The following RNF14 variants were observed in gnomAD, a reference collection of about 807,000 sequenced individuals.
RNF14 encodes E3 ubiquitin-protein ligase RNF14.
In RNF14, 26 loss-of-function variants were observed where a neutral mutation model predicts 52.6. The observed-to-expected ratio is 0.49, with a 90% CI of 0.36 to 0.69. RNF14 has a LOEUF of 0.69. Ranked by LOEUF, RNF14 falls within the 30% of genes least tolerant of loss-of-function variation. The pLI is 0.00. For synonymous variants in RNF14, 194 were observed against 202.0 expected, an observed-to-expected ratio of 0.96 and a Z score of 0.34; for missense variants, 404 against 560.4, an observed-to-expected ratio of 0.72 and a Z score of 2.82.
chr5:141,966,421 T>C (rs1753350759), upstream of RNF14, among the ~76,000 whole-genome samples: 2 of 152,166 alleles, frequency 1.3e-5, no homozygotes, highest in African/African-American at 4.8e-5. Flanking sequence ...TAAAAGGCCT[T>C]ATTAAAAAAA....
intron 1 of RNF14, among the ~76,000 whole-genome samples, chr5:141,959,323 T>C (rs252109): frequency 0.88 from 134,236 of 152,176 alleles, 59,501 homozygotes; most frequent in East Asian, 0.99. Flanking sequence ...GGATACCCTA[T>C]CTTCCACTCA....
upstream of RNF14, chr5:141,956,289 C>T (rs375775264): frequency 3.2e-5 from 52 of 1,614,184 alleles, 2 homozygotes; most frequent in Admixed American, 2.2e-4. Context: ...AGTTCAGTGA[C>T]CTCTGAGCAG....
upstream of RNF14, among the ~76,000 whole-genome samples, chr5:141,962,354 C>T (rs1288208819): frequency 4.6e-5 from 7 of 152,326 alleles, no homozygotes; most frequent in East Asian, 5.8e-4. Context: ...GTCCAGATAT[C>T]GAAGTCACTT....
At chr5:141,971,939 T>G (rs1339976891) in intron 2 of RNF14, among the ~76,000 whole-genome samples, 1 of 152,174 alleles carries the variant, frequency 6.6e-6, no homozygotes, top group Non-Finnish European at 1.5e-5. Flanking sequence ...TGAGCCACTG[T>G]GCCTGGGCCT....
chr5:141,949,650 T>C, the RNF14 span: 2 of 1,550,398 alleles, frequency 1.3e-6, no homozygotes, highest in African/African-American at 1.4e-5. Flanking sequence ...TTCATGCCCA[T>C]TCATGTTTGC....
chr5:141,973,210 A>G (rs1038439473), intron 2 of RNF14, among the ~76,000 whole-genome samples: 7 of 151,462 alleles, frequency 4.6e-5, no homozygotes, highest in Admixed American at 3.3e-4. Flanking sequence ...TTGTGCCATT[A>G]AGCTTTTTCC....
In RNF14 at chr5:141,980,016, TTTAA is replaced by T. The variant is rs1754624968; in HGVS notation, c.835-104_835-101del. The T allele has an allele frequency of 6.0e-6, 5 of 839,386 alleles. No homozygotes were observed. The South Asian group carries it at 6.1e-5, about 10-fold the overall frequency. The allele number at this position is 839,386 out of a possible 1,614,324, so 52.0% of individuals were successfully genotyped here. A position where few individuals can be genotyped will look rare whatever the true frequency, so the allele number is the denominator to read the frequency against. ...TTTGATTTTGAAGTGAAAGAGAGGTTTTAATTTATGTGCCCATCTGGTTTACACT... is the reference window on the plus strand; with the variant it reads ...TTTGATTTTGAAGTGAAAGAGAGGTTTTTATGTGCCCATCTGGTTTACACT... On this transcript the variant is annotated intron_variant, in intron 5 of 8. Coordinates refer to ENST00000394520, the MANE Select transcript of RNF14 (RefSeq NM_004290.5).
the RNF14 span, chr5:141,952,557 T>C: frequency 1.3e-5 from 2 of 151,762 alleles, no homozygotes; most frequent in Non-Finnish European, 2.9e-5. Flanking sequence ...GAGAATGGAG[T>C]AGGGGATGGG....
chr5:141,961,495 G>A (rs1200269722), intron 1 of RNF14, among the ~76,000 whole-genome samples: 1 of 152,162 alleles, frequency 6.6e-6, no homozygotes, highest in Non-Finnish European at 1.5e-5. Flanking sequence ...ATGCCAAGGG[G>A]TGAATGGAGC....
intron 7 of RNF14, 107 bp downstream of exon 7, chr5:141,983,659 T>C: frequency 1.1e-6 from 1 of 921,654 alleles, no homozygotes; most frequent in Non-Finnish European, 1.6e-6. Flanking sequence ...CACATGCTGG[T>C]ATTATTACAC....
At chr5:141,971,563 T>TTTTCTTTC (rs746341507) in intron 2 of RNF14, among the ~76,000 whole-genome samples, 165 of 55,066 alleles carry the variant, frequency 3.0e-3, no homozygotes, top group East Asian at 0.019. Context: ...GCTAATTTCT[T>TTTTCTTTC]TTTCTTTCTT....
At chr5:141,957,458 G>A, upstream of RNF14, 2 of 1,612,592 alleles carry the variant, frequency 1.2e-6, no homozygotes, top group Non-Finnish European at 8.5e-7. This position sits in a 1 kb window ranked among gnomAD's most constrained non-coding sequence, Gnocchi z 4.3. Context: ...AACCGTGGCT[G>A]GTGGTCATTG....
upstream of RNF14, chr5:141,956,058 C>T (rs765880244): frequency 1.9e-6 from 3 of 1,612,936 alleles, no homozygotes; most frequent in African/African-American, 4.0e-5. Flanking sequence ...CCGCTGGGCC[C>T]AAGCCATTGG....
upstream of RNF14, among the ~76,000 whole-genome samples, chr5:141,967,577 C>T (rs370235570): frequency 1.0e-3 from 158 of 152,268 alleles, no homozygotes; most frequent in African/African-American, 3.8e-3. Flanking sequence ...TGTGACTGCA[C>T]GGGTTGCTGG....
At chr5:141,969,782 T>A (rs1453975334) in intron 1 of RNF14, 1 of 152,242 alleles carries the variant, frequency 6.6e-6, no homozygotes, top group African/African-American at 2.4e-5. Flanking sequence ...TTCTAGGGTG[T>A]GGCCTGGGTA....
At chr5:141,972,877 C>T (rs1426348928) in intron 2 of RNF14, among the ~76,000 whole-genome samples, 1 of 152,190 alleles carries the variant, frequency 6.6e-6, no homozygotes, top group Non-Finnish European at 1.5e-5. Context: ...AGGCACGAGC[C>T]ACCGCGCCTG....
In RNF14 at chr5:141,987,765, T is replaced by C; in HGVS notation, c.1400T>C (p.Ile467Thr). Residue 467 changes from isoleucine (I) to threonine (T), a missense_variant, in exon 9 of 9, where the codon ATT becomes ACT. Transcript: ENST00000394520. ...TATGCTGTGGATGTTGACGACGATA[T>C]TTGGGAAGATGAGGTAGAAGACTAG... ...LFYAVDVDDD[I>T]WEDEVED The C allele has an allele frequency of 3.7e-6, 6 of 1,613,868 alleles. No individual in the cohort carries two copies. Among genetic ancestry groups the C allele is most frequent in the Non-Finnish European group, 5.1e-6 (6 of 1,180,004 alleles).
intron 4 of RNF14, among the ~76,000 whole-genome samples, chr5:141,976,168 CA>C (rs1264830431): frequency 6.6e-6 from 1 of 152,190 alleles, no homozygotes; most frequent in Non-Finnish European, 1.5e-5. Context: ...GTGCCAGAGG[CA>C]ACAGATGCAA....
At chr5:141,980,611 G>C (rs1001320468) in intron 6 of RNF14, among the ~76,000 whole-genome samples, 1 of 152,194 alleles carries the variant, frequency 6.6e-6, no homozygotes, top group Non-Finnish European at 1.5e-5. Flanking sequence ...TGCTGAAGAG[G>C]CAGAAGAAAT....
Sources: allele counts gnomAD v4.1 joint callset (sites outside exome capture counted in the v4.1 genomes callset), GRCh38; gene constraint gnomAD v4.1.1; non-coding constraint Gnocchi (gnomAD v3.1); transcripts MANE v1.5; gene names NCBI Gene and HGNC (gene_info 2026-07-23, HGNC 2026-07-21).